Variants in TASP1 observed in about 807,000 individuals in gnomAD.
TASP1 encodes taspase 1.
A neutral mutation model predicts 56.6 loss-of-function variants in TASP1; 16 were observed. The observed-to-expected ratio is 0.28, with a 90% confidence interval of 0.19 to 0.43. The LOEUF is 0.43. TASP1 is among the 20% of genes least tolerant of loss of function. The probability of loss-of-function intolerance (pLI) is 1.00; values close to 1 mark genes in which losing one functional copy is unlikely to be tolerated. For missense variants in TASP1, 393 were observed against 511.6 expected (o/e 0.77, Z 2.24); for synonymous variants, 179 against 184.2 (o/e 0.97, Z 0.23).
chr20:13,478,346 T>TACACACACAC (rs35289716), intron 11 of TASP1, among the ~76,000 whole-genome samples: 67 of 140,290 alleles, frequency 4.8e-4, no homozygotes, highest in African/African-American at 1.7e-3. Flanking sequence ...GAAAATATGA[T>TACACACACAC]ACACACACAC....
chr20:13,299,503 C>T, the TASP1 span: 1 of 1,548,178 alleles, frequency 6.5e-7, no homozygotes, highest in Non-Finnish European at 8.7e-7. The surrounding 1 kb of genome is among the most constrained non-coding windows in gnomAD (Gnocchi z 5.8). Context: ...GGTTCTGGAG[C>T]ACACACGTGC....
At chr20:13,376,268 G>A in the TASP1 span, among the ~76,000 whole-genome samples, 14 of 152,234 alleles carry the variant, frequency 9.2e-5, no homozygotes, top group African/African-American at 3.4e-4. Flanking sequence ...GTAAGGAAGG[G>A]GTCCAGTTTC....
chr20:13,374,699 C>T, the TASP1 span, among the ~76,000 whole-genome samples: 3 of 152,090 alleles, frequency 2.0e-5, no homozygotes, highest in African/African-American at 7.2e-5. Context: ...TTTGTAGCAA[C>T]TCTGGTTATT....
the TASP1 span, chr20:13,292,317 G>A: frequency 8.8e-6 from 9 of 1,025,806 alleles, no homozygotes; most frequent in African/African-American, 3.2e-5. Context: ...TTGTTGGGGT[G>A]GGGGAGATAA....
chr20:13,200,282 C>A, the TASP1 span, among the ~76,000 whole-genome samples: 2 of 152,168 alleles, frequency 1.3e-5, no homozygotes, highest in Non-Finnish European at 2.9e-5. Flanking sequence ...CCTTTGAGCA[C>A]CATCAGGTGT....
chr20:13,448,871 AAAAC>A (rs1255925462), intron 11 of TASP1, among the ~76,000 whole-genome samples: 1 of 151,606 alleles, frequency 6.6e-6, no homozygotes, highest in Non-Finnish European at 1.5e-5. Context: ...AAAAGAACAC[AAAAC>A]AAACCAACCA....
the TASP1 span, among the ~76,000 whole-genome samples, chr20:13,121,251 G>A: frequency 2.0e-5 from 3 of 152,128 alleles, no homozygotes; most frequent in Non-Finnish European, 4.4e-5. Flanking sequence ...TAACTGATAG[G>A]TTGCAGGGCT....
rs1034041022 is a variant in TASP1, at chr20:13,519,954, C to T, written c.874+8479G>A. Among the ~76,000 whole-genome samples the T allele has an allele frequency of 7.7e-4, 117 of 152,278 alleles. 1 individual carries two copies. The East Asian group carries it at 0.02, about 26-fold the overall frequency. ...GGATACAAAATCAATGTGCAAAAAT[C>T]ACAAGCATTCTTATACACCAATAAC... On this transcript the variant is annotated intron_variant, in intron 10 of 13. Coordinates refer to ENST00000337743, the MANE Select transcript of TASP1 (RefSeq NM_017714.3).
the TASP1 span, among the ~76,000 whole-genome samples, chr20:13,290,333 G>C: frequency 6.6e-6 from 1 of 152,168 alleles, no homozygotes; most frequent in African/African-American, 2.4e-5. Context: ...AAATAATGAT[G>C]AAGGTAAAAA....
At chr20:13,477,063 G>A (rs1438126442) in intron 11 of TASP1, among the ~76,000 whole-genome samples, 1 of 152,084 alleles carries the variant, frequency 6.6e-6, no homozygotes, top group Non-Finnish European at 1.5e-5. Flanking sequence ...TTCATGAAAT[G>A]ATGATCACAG....
intron 11 of TASP1, among the ~76,000 whole-genome samples, chr20:13,441,060 T>C (rs2043195609): frequency 6.6e-6 from 1 of 152,164 alleles, no homozygotes; most frequent in South Asian, 2.1e-4. Flanking sequence ...CAAAATCCTT[T>C]ACCTCTTCCC....
the TASP1 span, among the ~76,000 whole-genome samples, chr20:13,253,282 C>A: frequency 6.6e-6 from 1 of 152,110 alleles, no homozygotes; most frequent in African/African-American, 2.4e-5. Context: ...ACCCAGGGAC[C>A]CAGAGGGTGA....
At chr20:13,327,449 A>C in the TASP1 span, among the ~76,000 whole-genome samples, 1 of 152,222 alleles carries the variant, frequency 6.6e-6, no homozygotes, top group Non-Finnish European at 1.5e-5. Context: ...AATTAGAAAA[A>C]AAAACTATTC....
chr20:13,200,249 C>T, the TASP1 span, among the ~76,000 whole-genome samples: 1 of 152,196 alleles, frequency 6.6e-6, no homozygotes, highest in Non-Finnish European at 1.5e-5. Flanking sequence ...TGTACCATCA[C>T]CTGCATCAAA....
At chr20:13,597,930 C>T (rs2047804032) in intron 4 of TASP1, among the ~76,000 whole-genome samples, 1 of 152,164 alleles carries the variant, frequency 6.6e-6, no homozygotes. Context: ...CTCCCATTCA[C>T]GGTTGCTACA....
the TASP1 span, among the ~76,000 whole-genome samples, chr20:13,180,550 G>A: frequency 1.3e-5 from 2 of 152,176 alleles, no homozygotes; most frequent in African/African-American, 4.8e-5. Flanking sequence ...AAAGTCTAGA[G>A]CAGCCACTGA....
the TASP1 span, among the ~76,000 whole-genome samples, chr20:13,143,203 G>T: frequency 3.3e-5 from 5 of 152,188 alleles, no homozygotes; most frequent in Non-Finnish European, 7.3e-5. Flanking sequence ...GGCCAGGTTG[G>T]CTGTAGGTGC....
chr20:13,155,955 T>C, the TASP1 span, among the ~76,000 whole-genome samples: 1 of 152,218 alleles, frequency 6.6e-6, no homozygotes, highest in Non-Finnish European at 1.5e-5. Flanking sequence ...ACAGACATGT[T>C]ATATATCATA....
At chr20:13,497,067 C>G (rs1184589856) in intron 10 of TASP1, among the ~76,000 whole-genome samples, 1 of 152,180 alleles carries the variant, frequency 6.6e-6, no homozygotes, top group Non-Finnish European at 1.5e-5. Context: ...ATTCACTAAA[C>G]AAGGCTGAAT....
Sources: gnomAD v4.1 joint callset for allele counts (sites outside exome capture counted in the v4.1 genomes callset) on GRCh38, gnomAD v4.1.1 for gene constraint, Gnocchi (gnomAD v3.1) non-coding constraint, MANE v1.5 for transcripts, NCBI Gene and HGNC (gene_info 2026-07-23, HGNC 2026-07-21) for gene names.